CNOT3: variants seen among roughly 807,000 people sequenced by gnomAD.
CNOT3 encodes the protein CCR4-NOT transcription complex subunit 3, also known as CCR4-associated factor 3.
A neutral mutation model predicts 89.4 loss-of-function variants in CNOT3; 2 were observed. The ratio of observed to expected loss-of-function variants is 0.02; its 90% CI spans 0.01 to 0.07. The LOEUF (loss-of-function observed/expected upper bound fraction) is 0.07. Among genes scored for constraint, CNOT3 ranks in the 10% least tolerant of loss-of-function variants. The pLI is 1.00. For synonymous variants in CNOT3, 486 were observed against 402.0 expected (o/e 1.21, Z -2.50); for missense variants, 664 against 1,010.2 (o/e 0.66, Z 4.65).
chr19:54,149,575 G>A lies in CNOT3; in HGVS notation c.1422G>A (p.Ala474=), dbSNP rs774088927. 21 of 1,593,242 alleles carry A rather than the reference G, an allele frequency of 1.3e-5. No homozygotes were observed. The highest frequency in any genetic ancestry group is 3.4e-5 in the Admixed American group (2 of 57,990). ...CTCTCTCCAGGAAGGAACCCAGTGC[G>A]GCAGCCCCAACGGGGGCTGGGGGCG... ...PPPSTSKEPS[A]AAPTGAGGVA... The change falls in exon 13 of 18, where the codon GCG becomes GCA. Residue 474 remains alanine (A), a synonymous_variant. Coordinates refer to ENST00000221232, the MANE Select transcript of CNOT3 (RefSeq NM_014516.4).
rs2074580746 is a variant in CNOT3 at position 54,144,554 on chromosome 19, GGT to G, written c.483+225_483+226del. On this transcript the variant is annotated intron_variant, in intron 7 of 17. Coordinates refer to ENST00000221232, the MANE Select transcript of CNOT3 (RefSeq NM_014516.4). The surrounding 1 kb of genome is among the most constrained non-coding windows in gnomAD (Gnocchi z 4.8). ...TCAGACAGAATCTCAGGGTCCCCTG[GGT>G]GTCTGGGTAGACCGTGGGGCCTTTG... Among the ~76,000 whole-genome samples, 1 of 152,164 alleles carries G rather than the reference GGT, an allele frequency of 6.6e-6. No individual in the cohort carries two copies. Among genetic ancestry groups the G allele is most frequent in the African/African-American group, 2.4e-5 (1 of 41,432 alleles).
chr19:54,151,756 A>G (rs2075127019), intron 13 of CNOT3, among the ~76,000 whole-genome samples: 2 of 152,060 alleles, frequency 1.3e-5, no homozygotes, highest in African/African-American at 2.4e-5. Flanking sequence ...GGCTGGGCCC[A>G]CCCCGATTCC....
rs768661906 is a variant in CNOT3, at chr19:54,148,425, C to G, written c.1172C>G (p.Pro391Arg). The G allele has an allele frequency of 1.0e-5, 16 of 1,564,642 alleles. 1 individual carries two copies. In the South Asian group the frequency reaches 1.4e-4, roughly 14 times the overall value. The change falls in exon 11 of 18, where the codon CCC (proline) becomes CGC (arginine). Residue 391 changes from proline (P) to arginine (R), a missense_variant. Around this residue, in one of 8 missense-constraint regions of CNOT3, gnomAD observed 545 missense variants for 566.2 expected, o/e 0.96. Transcript: ENST00000221232. This position sits in a 1 kb window ranked among gnomAD's most constrained non-coding sequence, Gnocchi z 6.3. ...CCCAGCACGACCCAGCCCCGGCCCCCCAGCGTCCAGCCTAGCGGAGGCGGA... is the reference window on the plus strand; with the variant it reads ...CCCAGCACGACCCAGCCCCGGCCCCGCAGCGTCCAGCCTAGCGGAGGCGGA... Reference protein sequence around the residue: ...SGPSTTQPRPPSVQPSGGGGG... With the variant: ...SGPSTTQPRPRSVQPSGGGGG...
intron 3 of CNOT3, 75 bp from the exon 4 acceptor site, chr19:54,143,367 A>G: frequency 6.7e-7 from 1 of 1,499,032 alleles, no homozygotes; most frequent in Non-Finnish European, 9.3e-7. Context: ...AGTCCCTAGC[A>G]TAAGGAAGAA....
intron 17 of CNOT3, chr19:54,154,292 C>T: frequency 3.0e-6 from 1 of 333,032 alleles, no homozygotes; most frequent in Non-Finnish European, 6.0e-6. Flanking sequence ...ATGGGCTTCT[C>T]AAGTTCTAAT....
chr19:54,138,661 C>T (rs774666680), intron 1 of CNOT3, among the ~76,000 whole-genome samples: 2 of 152,242 alleles, frequency 1.3e-5, no homozygotes, highest in African/African-American at 2.4e-5. Context: ...CGGATGGGAG[C>T]CTCTTGGGAG....
intron 17 of CNOT3, chr19:54,154,048 G>A (rs1197580379): frequency 2.7e-6 from 2 of 734,600 alleles, no homozygotes; most frequent in Admixed American, 2.0e-5. Flanking sequence ...TAGGCCTCCT[G>A]TAGGTCTCAG....
Position 54,153,860 on chromosome 19 carries a change from T to C in CNOT3, c.2163+20T>C, listed in dbSNP as rs1368526147. 5 of 1,613,900 alleles carry C rather than the reference T, an allele frequency of 3.1e-6. No individual in the cohort carries two copies. In the African/African-American group the frequency reaches 4.0e-5, roughly 13 times the overall value. On this transcript the variant is annotated intron_variant, in intron 17 of 17. Coordinates refer to ENST00000221232, the MANE Select transcript of CNOT3 (RefSeq NM_014516.4). ...GAGCAGGTGAGGGCCCCGCCCCCTC[T>C]CTTCCCGCTGCTAGGGTTGGGGTAG...
intron 16 of CNOT3, chr19:54,153,277 C>G (rs751000182): frequency 1.3e-6 from 1 of 762,248 alleles, no homozygotes; most frequent in East Asian, 2.4e-5. Flanking sequence ...CACCCGCGGC[C>G]CCTCCCCAGC....
At chr19:54,143,334 G>C (rs978584549) in intron 3 of CNOT3, 108 bp from the exon 4 acceptor site, 7 of 1,154,036 alleles carry the variant, frequency 6.1e-6, no homozygotes, top group Non-Finnish European at 9.1e-6. Flanking sequence ...TGGATTGGGG[G>C]TAGGGGTTGG....
In CNOT3 at chr19:54,149,576, G is replaced by T; in HGVS notation, c.1423G>T (p.Ala475Ser). 1.9e-6 allele frequency: 3 copies of T among 1,593,508 alleles called. No individual in the cohort carries two copies. The highest frequency in any genetic ancestry group is 2.6e-6 in the Non-Finnish European group (3 of 1,168,134). The part of the protein sequence containing the change: ...PPSTSKEPSA[A>S]APTGAGGVAP... ...TCTCTCCAGGAAGGAACCCAGTGCGGCAGCCCCAACGGGGGCTGGGGGCGT... is the reference window on the plus strand; with the variant it reads ...TCTCTCCAGGAAGGAACCCAGTGCGTCAGCCCCAACGGGGGCTGGGGGCGT... The change falls in exon 13 of 18, where the codon GCA becomes TCA. Residue 475 changes from alanine to serine, a missense_variant. By Grantham distance (99) the Ala-to-Ser change is moderately conservative. Around this residue, in one of 8 missense-constraint regions of CNOT3, gnomAD observed 545 missense variants for 566.2 expected, o/e 0.96. Coordinates refer to ENST00000221232, the MANE Select transcript of CNOT3 (RefSeq NM_014516.4).
At chr19:54,143,295 C>A in intron 3 of CNOT3, 109 bp downstream of exon 3, 2 of 1,122,480 alleles carry the variant, frequency 1.8e-6, no homozygotes, top group Non-Finnish European at 2.7e-6. Flanking sequence ...TATGCAGATG[C>A]TGAGGACCTA....
Position 54,153,804 on chromosome 19 carries a change from C to T in CNOT3, c.2127C>T (p.His709=), listed in dbSNP as rs376265364. 45 of 1,614,090 alleles carry T rather than the reference C, an allele frequency of 2.8e-5. No homozygotes were observed. The highest frequency in any genetic ancestry group is 1.6e-4 in the Middle Eastern group (1 of 6,084). ...AGTACATGATGTGGTTCCAGAGGCA[C>T]GAGGAGCCCAAGACCATCACTGACG... ...HTKYMMWFQR[H]EEPKTITDEF... Residue 709 remains histidine (H), a synonymous_variant, in exon 17 of 18, where the codon CAC becomes CAT. Transcript: ENST00000221232.
rs1348506832 is a variant in CNOT3, at chr19:54,155,481, G to C, written c.*74G>C. On this transcript the variant is annotated 3_prime_UTR_variant, in exon 18 of 18. Coordinates refer to ENST00000221232, the MANE Select transcript of CNOT3 (RefSeq NM_014516.4). ...CTGCCCAGGTGAGGGCCCTGCCCTGGAAGACTGGAGGGAGGCCCCAAGCCA... is the reference window on the plus strand; with the variant it reads ...CTGCCCAGGTGAGGGCCCTGCCCTGCAAGACTGGAGGGAGGCCCCAAGCCA... 8.3e-6 allele frequency: 9 copies of C among 1,089,418 alleles called. No individual in the cohort carries two copies. The highest frequency in any genetic ancestry group is 1.3e-6 in the Non-Finnish European group (1 of 754,656). The allele number at this position is 1,089,418 out of a possible 1,614,324, so 67.5% of individuals were successfully genotyped here.
At chr19:54,143,057 A>C in intron 2 of CNOT3, 54 bp downstream of exon 2, 1 of 1,612,942 alleles carries the variant, frequency 6.2e-7, no homozygotes, top group Non-Finnish European at 8.5e-7. Flanking sequence ...TCTTCTGAGG[A>C]CTGCTCTTTA....
chr19:54,153,015 C>T lies in CNOT3; in HGVS notation c.2037+16C>T, dbSNP rs759117155. On this transcript the variant is annotated intron_variant, in intron 16 of 17. Transcript: ENST00000221232. ...CTATCTGGAGGTACAGCAGGGCCCC[C>T]GGGGCAGCCTCGGGCCCCCCGGCTT... The T allele has an allele frequency of 4.6e-5, 74 of 1,596,216 alleles. No individual in the cohort carries two copies. Among genetic ancestry groups the T allele is most frequent in the Admixed American group, 1.7e-4 (10 of 58,620 alleles).
chr19:54,147,388 C>T (rs1223708989), intron 10 of CNOT3, among the ~76,000 whole-genome samples: 3 of 152,070 alleles, frequency 2.0e-5, no homozygotes, highest in East Asian at 1.9e-4. Flanking sequence ...GTAGTGAGGG[C>T]GGGCAACAGG....
intron 1 of CNOT3, among the ~76,000 whole-genome samples, chr19:54,140,097 T>G (rs1358318932): frequency 6.6e-6 from 1 of 152,138 alleles, no homozygotes; most frequent in Admixed American, 6.5e-5. Flanking sequence ...CCGGTGTTAG[T>G]TTCCCAGGGC....
Position 54,145,451 on chromosome 19 carries a change from G to C in CNOT3, c.484-147G>C, listed in dbSNP as rs587674962. On this transcript the variant is annotated intron_variant, in intron 7 of 17. Coordinates refer to ENST00000221232, the MANE Select transcript of CNOT3 (RefSeq NM_014516.4). The surrounding 1 kb of genome is among the most constrained non-coding windows in gnomAD (Gnocchi z 5.9). ...CCCCACAGGGCTCAGAGGGTGGGTG[G>C]ACCCCATACTGCCCCACCCCGAAGG... 1 of 626,674 alleles carries C rather than the reference G, an allele frequency of 1.6e-6. No individual in the cohort carries two copies. Among genetic ancestry groups the C allele is most frequent in the Non-Finnish European group, 2.9e-6 (1 of 347,886 alleles). 38.8% of individuals were successfully genotyped at this position (626,674 alleles called of 1,614,324 possible). A position where few individuals can be genotyped will look rare whatever the true frequency, so the allele number is the denominator to read the frequency against.
Sources: allele counts gnomAD v4.1 joint callset (sites outside exome capture counted in the v4.1 genomes callset), GRCh38; gene constraint gnomAD v4.1.1; regional missense constraint gnomAD v4.1.1; non-coding constraint Gnocchi (gnomAD v3.1); transcripts MANE v1.5; gene names NCBI Gene and HGNC (gene_info 2026-07-23, HGNC 2026-07-21).